RNGTT: variants seen among roughly 807,000 people sequenced by gnomAD.
RNGTT encodes RNA guanylyltransferase and 5'-phosphatase, also known as mRNA-capping enzyme.
A neutral mutation model predicts 79.3 loss-of-function variants in RNGTT; 33 were observed. The observed-to-expected ratio is 0.42, with a 90% CI of 0.32 to 0.56. RNGTT has a LOEUF of 0.56. Ranked by LOEUF, RNGTT falls within the 20% of genes least tolerant of loss-of-function variation. The probability of loss-of-function intolerance (pLI) is 0.17; values close to 1 mark genes in which losing one functional copy is unlikely to be tolerated. For synonymous variants in RNGTT, 222 were observed against 235.9 expected, an observed-to-expected ratio of 0.94 and a Z score of 0.54; for missense variants, 497 against 739.1, an observed-to-expected ratio of 0.67 and a Z score of 3.80.
rs57587069 is a variant in RNGTT at position 88,773,498 on chromosome 6, T to TA, written c.1339-3625dup. On this transcript the variant is annotated intron_variant, in intron 12 of 15. Coordinates refer to ENST00000369485, the MANE Select transcript of RNGTT (RefSeq NM_003800.5). ...TAATAAATAAATAAAAAATTATTGG[T>TA]AAAAAAAAAAAAATCTTGAAAAAAG... is the stretch of plus-strand genomic sequence containing the variant. Among the ~76,000 whole-genome samples, 1,153 of 141,512 alleles carry TA rather than the reference T, an allele frequency of 8.1e-3. 11 individuals are homozygous for TA. The highest frequency in any genetic ancestry group is 0.025 in the African/African-American group (977 of 38,498). The allele number at this position is 141,512 out of a possible 152,430, so 92.8% of individuals were successfully genotyped here. A position where few individuals can be genotyped will look rare whatever the true frequency, so the allele number is the denominator to read the frequency against.
chr6:88,874,684 T>C (rs1312315709), intron 8 of RNGTT, among the ~76,000 whole-genome samples: 1 of 151,960 alleles, frequency 6.6e-6, no homozygotes, highest in East Asian at 1.9e-4. Context: ...AAAATCCAGT[T>C]AACACCTCAT....
chr6:88,849,958 A>G (rs1781617060), intron 9 of RNGTT, 132 bp from the exon 10 acceptor site: 1 of 808,962 alleles, frequency 1.2e-6, no homozygotes, highest in East Asian at 3.5e-5. Context: ...CAAAGTGAAC[A>G]CACTTGTACC....
chr6:88,785,021 T>C (rs1306176169), intron 12 of RNGTT, among the ~76,000 whole-genome samples: 1 of 152,140 alleles, frequency 6.6e-6, no homozygotes, highest in Non-Finnish European at 1.5e-5. Context: ...CTGAACCACG[T>C]GATTGTATTA....
intron 13 of RNGTT, among the ~76,000 whole-genome samples, chr6:88,693,909 T>A (rs1242147407): frequency 6.6e-6 from 1 of 152,180 alleles, no homozygotes; most frequent in Admixed American, 6.5e-5. Context: ...CATCCTTTCA[T>A]GATAGAAAAA....
At chr6:88,682,127 C>T (rs760048755) in intron 13 of RNGTT, among the ~76,000 whole-genome samples, 2 of 152,098 alleles carry the variant, frequency 1.3e-5, no homozygotes, top group African/African-American at 4.8e-5. Flanking sequence ...ATTGATGATA[C>T]ATCAAACACA....
At chr6:88,796,265 G>A (rs766404136) in intron 12 of RNGTT, among the ~76,000 whole-genome samples, 3 of 151,794 alleles carry the variant, frequency 2.0e-5, no homozygotes, top group Non-Finnish European at 1.5e-5. Flanking sequence ...AAGTATATAT[G>A]TGGATCATAT....
chr6:88,768,707 T>A (rs1778548632), intron 13 of RNGTT, among the ~76,000 whole-genome samples: 1 of 152,222 alleles, frequency 6.6e-6, no homozygotes, highest in Non-Finnish European at 1.5e-5. Context: ...TTTCCTTGAT[T>A]AAGGATTTCT....
intron 8 of RNGTT, among the ~76,000 whole-genome samples, chr6:88,859,949 G>T (rs139665004): frequency 6.6e-6 from 1 of 152,232 alleles, no homozygotes; most frequent in Non-Finnish European, 1.5e-5. Context: ...CTGAGAGATG[G>T]GAGGTAAATA....
At chr6:88,723,681 T>C (rs1484443370) in intron 13 of RNGTT, among the ~76,000 whole-genome samples, 1 of 152,160 alleles carries the variant, frequency 6.6e-6, no homozygotes, top group African/African-American at 2.4e-5. Flanking sequence ...AATAAGGATA[T>C]CAAGAAAGAA....
At chr6:88,939,249 G>C (rs1012177172) in intron 2 of RNGTT, among the ~76,000 whole-genome samples, 1 of 151,928 alleles carries the variant, frequency 6.6e-6, no homozygotes, top group Non-Finnish European at 1.5e-5. Context: ...TGAATATTTG[G>C]CCACTTTCTG....
chr6:88,861,640 A>G (rs537646541), intron 8 of RNGTT, among the ~76,000 whole-genome samples: 1 of 152,290 alleles, frequency 6.6e-6, no homozygotes, highest in Admixed American at 6.5e-5. Context: ...TCATGAACCA[A>G]CGAAAACTCT....
At chr6:88,888,477 C>T (rs183997754) in intron 8 of RNGTT, among the ~76,000 whole-genome samples, 187 of 152,146 alleles carry the variant, frequency 1.2e-3, no homozygotes, top group Non-Finnish European at 2.3e-3. Flanking sequence ...CCATCAAAAA[C>T]ACATATCCAC....
intron 6 of RNGTT, among the ~76,000 whole-genome samples, chr6:88,898,701 T>G (rs1048073810): frequency 6.6e-6 from 1 of 150,602 alleles, no homozygotes; most frequent in African/African-American, 2.4e-5. Context: ...TATATGTATC[T>G]CCCCAGTATA....
intron 8 of RNGTT, among the ~76,000 whole-genome samples, chr6:88,863,479 G>A (rs945010941): frequency 4.9e-4 from 74 of 152,070 alleles, no homozygotes; most frequent in African/African-American, 1.6e-3. Context: ...TTTTGAAGAC[G>A]TAGAGATACC....
At chr6:88,825,858 CCTT>C (rs922623379) in intron 11 of RNGTT, among the ~76,000 whole-genome samples, 1 of 152,214 alleles carries the variant, frequency 6.6e-6, no homozygotes, top group African/African-American at 2.4e-5. Flanking sequence ...TTTCCACTAT[CCTT>C]CTCCTCACTC....
chr6:88,914,802 C>A (rs947262699), intron 4 of RNGTT, among the ~76,000 whole-genome samples: 1 of 152,084 alleles, frequency 6.6e-6, no homozygotes, highest in African/African-American at 2.4e-5. Flanking sequence ...AGAGCTTCTG[C>A]ACAGCAAAAT....
chr6:88,679,983 A>G (rs1336289634), intron 13 of RNGTT, among the ~76,000 whole-genome samples: 6 of 152,218 alleles, frequency 3.9e-5, no homozygotes, highest in Non-Finnish European at 8.8e-5. Flanking sequence ...GCCTTTTAAC[A>G]TAATAGAATT....
intron 14 of RNGTT, among the ~76,000 whole-genome samples, chr6:88,620,666 G>A (rs1168399530): frequency 2.6e-5 from 4 of 152,160 alleles, no homozygotes; most frequent in African/African-American, 7.2e-5. Flanking sequence ...AAAAAGTCTT[G>A]GAATAATGCT....
chr6:88,654,842 T>C (rs1239612327), intron 14 of RNGTT, among the ~76,000 whole-genome samples: 1 of 152,156 alleles, frequency 6.6e-6, no homozygotes, highest in Non-Finnish European at 1.5e-5. Flanking sequence ...GAGACCAGCA[T>C]CTAAAAACTA....
Sources: gnomAD v4.1 joint callset for allele counts (sites outside exome capture counted in the v4.1 genomes callset) on GRCh38, gnomAD v4.1.1 for gene constraint, MANE v1.5 for transcripts, NCBI Gene and HGNC (gene_info 2026-07-23, HGNC 2026-07-21) for gene names.